Variants in GLIS3 observed in about 807,000 individuals in gnomAD.
GLIS3 encodes the protein GLIS family zinc finger 3, also known as zinc finger protein GLIS3.
GLIS3 carries 53 observed loss-of-function variants against 78.6 expected under a neutral mutation model. That is an observed-to-expected ratio of 0.67 (90% confidence interval 0.54 to 0.85). The LOEUF is 0.85. GLIS3 is among the 40% of genes least tolerant of loss of function. The pLI is 0.00. For missense variants in GLIS3, 1,703 were observed against 1,231.1 expected (o/e 1.38, Z -5.74); for synonymous variants, 684 against 509.9 (o/e 1.34, Z -4.60).
At chr9:4,218,262 GGT>G (rs1821025182) in intron 2 of GLIS3, among the ~76,000 whole-genome samples, 1 of 152,100 alleles carries the variant, frequency 6.6e-6, no homozygotes. Flanking sequence ...CAACCACCAT[GGT>G]CTAAACCAGA....
At chr9:4,303,555 A>T (rs190046328), upstream of GLIS3, among the ~76,000 whole-genome samples, 942 of 152,294 alleles carry the variant, frequency 6.2e-3, 10 homozygotes, top group Non-Finnish European at 8.9e-3. Context: ...GTAATTTTTT[A>T]AAAAATTCTT....
At chr9:4,240,970 T>A (rs1823252435) in intron 2 of GLIS3, among the ~76,000 whole-genome samples, 2 of 145,800 alleles carry the variant, frequency 1.4e-5, no homozygotes, top group Non-Finnish European at 3.0e-5. Flanking sequence ...TGTGTGTGTG[T>A]GTACGTGTGT....
chr9:4,018,876 C>T (rs1223264548), intron 4 of GLIS3, among the ~76,000 whole-genome samples: 5 of 152,210 alleles, frequency 3.3e-5, no homozygotes, highest in Non-Finnish European at 7.3e-5. Flanking sequence ...CCTGTGTTCT[C>T]GCTTAGAAAA....
intron 4 of GLIS3, among the ~76,000 whole-genome samples, chr9:4,045,382 C>A (rs1342612842): frequency 1.3e-5 from 2 of 152,096 alleles, no homozygotes; most frequent in African/African-American, 4.8e-5. Context: ...ATCACCCAGG[C>A]TGGAGTGCAG....
intron 2 of GLIS3, among the ~76,000 whole-genome samples, chr9:4,187,962 T>G (rs1381736867): frequency 6.6e-6 from 1 of 152,094 alleles, no homozygotes; most frequent in Non-Finnish European, 1.5e-5. Flanking sequence ...TCTGACTTCC[T>G]CTTTTCCTAA....
the GLIS3 span, among the ~76,000 whole-genome samples, chr9:4,445,141 C>A: frequency 6.6e-6 from 1 of 152,154 alleles, no homozygotes; most frequent in African/African-American, 2.4e-5. Flanking sequence ...AGAGAAGGCA[C>A]AGGATTTGTT....
the GLIS3 span, among the ~76,000 whole-genome samples, chr9:4,354,510 A>G: frequency 6.6e-6 from 1 of 152,214 alleles, no homozygotes; most frequent in East Asian, 1.9e-4. Context: ...ATTCCCTACA[A>G]TAATAACTGC....
intron 4 of GLIS3, among the ~76,000 whole-genome samples, chr9:4,050,642 G>C (rs1159431840): frequency 6.6e-6 from 1 of 152,152 alleles, no homozygotes; most frequent in East Asian, 1.9e-4. Flanking sequence ...AGGAATGTTT[G>C]AAGAATGTGG....
intron 2 of GLIS3, among the ~76,000 whole-genome samples, chr9:4,263,953 T>C (rs558209681): frequency 6.6e-6 from 1 of 152,266 alleles, no homozygotes; most frequent in Admixed American, 6.5e-5. Context: ...GTTGGTCCTT[T>C]GCAGTCTTAT....
intron 2 of GLIS3, among the ~76,000 whole-genome samples, chr9:4,338,548 A>T (rs560767888): frequency 2.0e-5 from 3 of 152,128 alleles, no homozygotes; most frequent in African/African-American, 7.2e-5. Flanking sequence ...TAGGGCCCCA[A>T]ACTTGAAGTC....
chr9:4,089,335 G>C (rs1361703698), intron 4 of GLIS3, among the ~76,000 whole-genome samples: 1 of 150,296 alleles, frequency 6.7e-6, no homozygotes, highest in African/African-American at 2.5e-5. Flanking sequence ...TCATCTTGAA[G>C]AGTGGATAAC....
chr9:4,200,889 G>T (rs1026538066), intron 2 of GLIS3, among the ~76,000 whole-genome samples: 1 of 152,062 alleles, frequency 6.6e-6, no homozygotes, highest in Non-Finnish European at 1.5e-5. Context: ...ACTGAAAAAA[G>T]AAAACTACAG....
the GLIS3 span, among the ~76,000 whole-genome samples, chr9:4,368,674 C>G: frequency 6.6e-6 from 1 of 152,160 alleles, no homozygotes. Context: ...TCTTCTTAAG[C>G]CAAGCACTGG....
At position 4,265,499 on chromosome 9, in the gene GLIS3, T is replaced by G. The variant is rs184134910; in HGVS notation, c.388+20539A>C. Among the ~76,000 whole-genome samples the G allele has an allele frequency of 1.1e-3, 165 of 152,210 alleles. 1 individual carries two copies. The highest frequency in any genetic ancestry group is 3.9e-3 in the African/African-American group (160 of 41,468). On this transcript the variant is annotated intron_variant, in intron 2 of 10. Coordinates refer to ENST00000381971, the MANE Select transcript of GLIS3 (RefSeq NM_001042413.2). ...CATTCTATACCCTTAGCCACTATGC[T>G]GTGCTATATACTGCCTCTATCTGTC...
At chr9:4,240,407 G>C (rs1011310415) in intron 2 of GLIS3, among the ~76,000 whole-genome samples, 2 of 152,132 alleles carry the variant, frequency 1.3e-5, no homozygotes, top group African/African-American at 4.8e-5. Flanking sequence ...CTCCTGCTGT[G>C]GGACCCAGTT....
the GLIS3 span, among the ~76,000 whole-genome samples, chr9:4,415,383 G>A: frequency 6.6e-6 from 1 of 152,130 alleles, no homozygotes; most frequent in African/African-American, 2.4e-5. Flanking sequence ...TTTGACATTT[G>A]GTTTGCCAGC....
At chr9:4,254,286 A>C (rs1324417683) in intron 2 of GLIS3, among the ~76,000 whole-genome samples, 1 of 152,232 alleles carries the variant, frequency 6.6e-6, no homozygotes, top group East Asian at 1.9e-4. Flanking sequence ...GATATCAACA[A>C]CATCAAAAAC....
chr9:4,257,064 C>CATATGTATGTGTACATATGTATGCAT (rs2129957758), intron 2 of GLIS3, among the ~76,000 whole-genome samples: 1 of 152,010 alleles, frequency 6.6e-6, no homozygotes, highest in South Asian at 2.1e-4. Context: ...ATTATGTGTA[C>CATATGTATGTGTACATATGTATGCAT]ATATGTATGT....
intron 2 of GLIS3, among the ~76,000 whole-genome samples, chr9:4,324,563 C>G (rs1298397452): frequency 1.3e-5 from 2 of 152,134 alleles, no homozygotes; most frequent in East Asian, 1.9e-4. Flanking sequence ...TTGATGATTT[C>G]AAACTCTTTC....
Sources: allele counts gnomAD v4.1 joint callset (sites outside exome capture counted in the v4.1 genomes callset), GRCh38; gene constraint gnomAD v4.1.1; transcripts MANE v1.5; gene names NCBI Gene and HGNC (gene_info 2026-07-23, HGNC 2026-07-21).